CPED1: variants seen among roughly 807,000 people sequenced by gnomAD.
The protein encoded by CPED1 is cadherin like and PC-esterase domain containing 1.
CPED1 carries 114 observed loss-of-function variants against 128.2 expected under a neutral mutation model. The observed-to-expected ratio is 0.89, with a 90% confidence interval of 0.76 to 1.04. The LOEUF (loss-of-function observed/expected upper bound fraction) is 1.04, where lower values mean the gene tolerates loss of function less well. Ranked by LOEUF, CPED1 falls within the 50% of genes least tolerant of loss-of-function variation. CPED1 has a pLI of 0.00. For missense variants in CPED1, 1,211 were observed against 1,207.1 expected (o/e 1.00, Z -0.05); for synonymous variants, 462 against 426.7 (o/e 1.08, Z -1.02).
chr7:121,030,386 A>T (rs748338259), intron 3 of CPED1, among the ~76,000 whole-genome samples: 133 of 152,324 alleles, frequency 8.7e-4, no homozygotes, highest in Non-Finnish European at 1.7e-3. Context: ...AAAAATATTA[A>T]ATTGAAAACT....
At chr7:121,032,727 GA>G (rs1311871400) in intron 3 of CPED1, among the ~76,000 whole-genome samples, 5 of 146,396 alleles carry the variant, frequency 3.4e-5, no homozygotes, top group African/African-American at 1.0e-4. Flanking sequence ...AGAAAAAAAG[GA>G]AAAAAAAAAC....
chr7:121,208,222 C>T (rs902875155), intron 16 of CPED1, among the ~76,000 whole-genome samples: 24 of 151,904 alleles, frequency 1.6e-4, no homozygotes, highest in South Asian at 4.1e-4. Context: ...TTATATATTA[C>T]GTATCTGCAT....
intron 5 of CPED1, among the ~76,000 whole-genome samples, chr7:121,073,498 C>G (rs1794044426): frequency 6.6e-6 from 1 of 152,192 alleles, no homozygotes; most frequent in Admixed American, 6.5e-5. Context: ...AATGTTTCTA[C>G]ATAACACCAG....
rs1157071918 is a variant in CPED1, at chr7:121,296,698, C to A, written c.*1046C>A. ...AATTATTATTTTAATTAAACTGTGG[C>A]ATACATATAATACATACCTAATTAT... On this transcript the variant is annotated 3_prime_UTR_variant, in exon 23 of 23. Transcript: ENST00000310396. The A allele has an allele frequency of 5.9e-5, 9 of 152,052 alleles. No individual in the cohort carries two copies. Among genetic ancestry groups the A allele is most frequent in the African/African-American group, 1.2e-4 (5 of 41,420 alleles). 9.4% of individuals were successfully genotyped at this position (152,052 alleles called of 1,614,324 possible).
At chr7:121,289,870 A>G (rs1159997137) in intron 22 of CPED1, among the ~76,000 whole-genome samples, 1 of 152,090 alleles carries the variant, frequency 6.6e-6, no homozygotes, top group Non-Finnish European at 1.5e-5. Context: ...GGTTTGTTAC[A>G]TAGGTATACA....
At chr7:121,204,454 C>CCA (rs1489223820) in intron 16 of CPED1, among the ~76,000 whole-genome samples, 3 of 152,078 alleles carry the variant, frequency 2.0e-5, no homozygotes, top group Non-Finnish European at 4.4e-5. Context: ...GTCTACCAGT[C>CCA]CACACACACC....
intron 15 of CPED1, among the ~76,000 whole-genome samples, chr7:121,141,412 C>A (rs1795898428): frequency 6.6e-6 from 1 of 151,916 alleles, no homozygotes; most frequent in Admixed American, 6.6e-5. Flanking sequence ...CCTATTGATT[C>A]TTTTAAAAGT....
chr7:121,255,513 T>C (rs1798781034), intron 18 of CPED1, among the ~76,000 whole-genome samples: 1 of 151,932 alleles, frequency 6.6e-6, no homozygotes, highest in Admixed American at 6.6e-5. Flanking sequence ...ACAAAACAGG[T>C]ATACCTACTC....
chr7:121,038,247 C>CA (rs1340955957), intron 3 of CPED1, among the ~76,000 whole-genome samples: 8 of 151,972 alleles, frequency 5.3e-5, no homozygotes, highest in Non-Finnish European at 1.0e-4. Flanking sequence ...AACTTTTCCC[C>CA]ATCCAGTATA....
intron 5 of CPED1, among the ~76,000 whole-genome samples, chr7:121,074,176 G>A (rs1440992979): frequency 7.7e-6 from 1 of 129,934 alleles, no homozygotes; most frequent in South Asian, 2.5e-4. Flanking sequence ...AAAGTGTAGA[G>A]CTCATGGGGT....
intron 8 of CPED1, among the ~76,000 whole-genome samples, chr7:121,125,041 A>T (rs942476443): frequency 5.9e-5 from 9 of 152,178 alleles, no homozygotes; most frequent in Non-Finnish European, 1.3e-4. Flanking sequence ...ATGTAGGAGT[A>T]GGAGAGTTTT....
intron 3 of CPED1, among the ~76,000 whole-genome samples, chr7:121,041,912 A>G (rs1476314013): frequency 6.6e-6 from 1 of 152,102 alleles, no homozygotes; most frequent in African/African-American, 2.4e-5. Flanking sequence ...CAGAGATAAC[A>G]CTATGAAGGC....
intron 5 of CPED1, among the ~76,000 whole-genome samples, chr7:121,067,611 T>A (rs569023825): frequency 1.3e-5 from 2 of 152,348 alleles, no homozygotes; most frequent in East Asian, 3.9e-4. Context: ...TGATTTGTAA[T>A]CCTTTGGGTA....
At chr7:121,197,658 C>A (rs1797300802) in intron 16 of CPED1, among the ~76,000 whole-genome samples, 1 of 151,884 alleles carries the variant, frequency 6.6e-6, no homozygotes, top group Non-Finnish European at 1.5e-5. Context: ...TGTGCATGCG[C>A]ATGTATGTGC....
chr7:121,247,748 C>CTT (rs1176338649), intron 18 of CPED1, among the ~76,000 whole-genome samples: 1 of 152,138 alleles, frequency 6.6e-6, no homozygotes, highest in Non-Finnish European at 1.5e-5. Flanking sequence ...GTACCTGAGC[C>CTT]AGTGCAGAAA....
chr7:121,071,255 C>T (rs1398504325), intron 5 of CPED1, among the ~76,000 whole-genome samples: 2 of 152,140 alleles, frequency 1.3e-5, no homozygotes, highest in Admixed American at 6.6e-5. Context: ...TATCCCTGTA[C>T]AATTCAGTAA....
At chr7:121,083,460 T>C (rs35352482) in intron 5 of CPED1, among the ~76,000 whole-genome samples, 2,412 of 152,316 alleles carry the variant, frequency 0.016, 23 homozygotes, top group Non-Finnish European at 0.024. Context: ...GCTGCCAAGC[T>C]GGTTTGTATA....
intron 7 of CPED1, among the ~76,000 whole-genome samples, chr7:121,115,830 A>G (rs1192460534): frequency 6.6e-6 from 1 of 152,204 alleles, no homozygotes; most frequent in Admixed American, 6.5e-5. Flanking sequence ...TGCTCGAACA[A>G]TGGCATTCAT....
intron 12 of CPED1, 74 bp downstream of exon 12, chr7:121,130,368 C>T (rs1795632219): frequency 1.5e-6 from 2 of 1,318,744 alleles, no homozygotes; most frequent in South Asian, 2.9e-5. Flanking sequence ...AAAGGCTTTG[C>T]CTATGTTAAA....
Sources: allele counts gnomAD v4.1 joint callset (sites outside exome capture counted in the v4.1 genomes callset), GRCh38; gene constraint gnomAD v4.1.1; transcripts MANE v1.5; gene names NCBI Gene and HGNC (gene_info 2026-07-23, HGNC 2026-07-21).